IQCJ: variants seen among roughly 807,000 people sequenced by gnomAD.
IQCJ encodes the protein IQ domain-containing protein J.
Under a neutral mutation model 11.0 loss-of-function variants are expected in IQCJ, and 9 were observed. The ratio of observed to expected loss-of-function variants is 0.82; its 90% CI spans 0.49 to 1.43. The LOEUF is 1.43. Among genes scored for constraint, IQCJ ranks in the 40% most tolerant of loss-of-function variants. IQCJ has a pLI of 0.00. For synonymous variants in IQCJ, 55 were observed against 51.3 expected (o/e 1.07, Z -0.31); for missense variants, 146 against 133.2 (o/e 1.10, Z -0.47).
chr3:159,260,559 G>A (rs906976427), intron 3 of IQCJ, among the ~76,000 whole-genome samples: 1 of 152,110 alleles, frequency 6.6e-6, no homozygotes, highest in Admixed American at 6.6e-5. Context: ...GAACATCACC[G>A]ACAGCTTCCT....
chr3:159,210,892 A>C (rs1724916427), intron 1 of IQCJ, among the ~76,000 whole-genome samples: 1 of 151,946 alleles, frequency 6.6e-6, no homozygotes. Flanking sequence ...GGCTGGTCTC[A>C]AACTCCTGAC....
chr3:159,077,257 A>G (rs1715986079), intron 1 of IQCJ, among the ~76,000 whole-genome samples: 2 of 152,136 alleles, frequency 1.3e-5, no homozygotes, highest in Admixed American at 6.6e-5. Flanking sequence ...GGGAAAAGCA[A>G]ATTAGTACAA....
chr3:159,075,527 G>T (rs557204426), intron 1 of IQCJ, among the ~76,000 whole-genome samples: 1 of 152,068 alleles, frequency 6.6e-6, no homozygotes, highest in South Asian at 2.1e-4. Context: ...AGAAATACAG[G>T]ATTTGCACAC....
chr3:159,174,044 TA>T (rs1233119333), intron 1 of IQCJ, among the ~76,000 whole-genome samples: 1 of 152,160 alleles, frequency 6.6e-6, no homozygotes, highest in East Asian at 1.9e-4. Context: ...TTTAACTCAT[TA>T]AAATGTTATC....
chr3:159,078,597 G>T (rs1716102133), intron 1 of IQCJ, among the ~76,000 whole-genome samples: 1 of 147,392 alleles, frequency 6.8e-6, no homozygotes, highest in Non-Finnish European at 1.5e-5. Context: ...CTATACAGAA[G>T]AATCACTCCT....
At chr3:159,090,591 C>T (rs1261045521) in intron 1 of IQCJ, among the ~76,000 whole-genome samples, 3 of 151,640 alleles carry the variant, frequency 2.0e-5, no homozygotes, top group African/African-American at 7.3e-5. Context: ...AACTTGGAGG[C>T]ACATATGGGT....
intron 1 of IQCJ, among the ~76,000 whole-genome samples, chr3:159,194,699 C>A (rs1041182661): frequency 6.6e-6 from 1 of 152,162 alleles, no homozygotes; most frequent in Non-Finnish European, 1.5e-5. Flanking sequence ...ACCATTTGAT[C>A]TTTTCTTCCA....
At chr3:159,092,699 A>AACACACACAC (rs57083405) in intron 1 of IQCJ, among the ~76,000 whole-genome samples, 2,154 of 141,648 alleles carry the variant, frequency 0.015, 51 homozygotes, top group African/African-American at 0.038. Flanking sequence ...CTCCATCACA[A>AACACACACAC]ACACACACAC....
intron 1 of IQCJ, among the ~76,000 whole-genome samples, chr3:159,226,171 T>G (rs1377411718): frequency 2.6e-5 from 4 of 152,172 alleles, no homozygotes; most frequent in Admixed American, 6.5e-5. Context: ...GATTAAGTTA[T>G]TGACCACTGG....
intron 1 of IQCJ, among the ~76,000 whole-genome samples, chr3:159,210,191 A>T (rs570362016): frequency 6.6e-6 from 1 of 152,322 alleles, no homozygotes; most frequent in East Asian, 1.9e-4. Context: ...AGGGAATGTA[A>T]GAAAACAATA....
intron 1 of IQCJ, among the ~76,000 whole-genome samples, chr3:159,072,362 G>T (rs923015802): frequency 4.6e-5 from 7 of 151,836 alleles, no homozygotes; most frequent in Admixed American, 3.9e-4. Context: ...AAAAAGGAGA[G>T]TAATAGGAGA....
At chr3:159,230,446 G>A (rs1726180342) in intron 1 of IQCJ, among the ~76,000 whole-genome samples, 1 of 152,080 alleles carries the variant, frequency 6.6e-6, no homozygotes, top group Non-Finnish European at 1.5e-5. Context: ...TAAGAATTAT[G>A]CTGGATGCTA....
intron 1 of IQCJ, among the ~76,000 whole-genome samples, chr3:159,206,592 T>A (rs984562178): frequency 6.6e-6 from 1 of 152,256 alleles, no homozygotes; most frequent in African/African-American, 2.4e-5. Flanking sequence ...TGAAAGTGGA[T>A]AATGTGTGTT....
At chr3:159,125,205 C>T (rs549659366) in intron 1 of IQCJ, among the ~76,000 whole-genome samples, 1 of 152,206 alleles carries the variant, frequency 6.6e-6, no homozygotes, top group East Asian at 1.9e-4. Flanking sequence ...GATCTTCCTC[C>T]CCAAAACACT....
downstream of IQCJ, among the ~76,000 whole-genome samples, chr3:159,264,908 A>G (rs569992538): frequency 5.9e-4 from 86 of 146,618 alleles, 1 homozygote; most frequent in South Asian, 0.012. Context: ...CAGAGGGGAA[A>G]ACAAAAAAAA....
intron 2 of IQCJ, among the ~76,000 whole-genome samples, chr3:159,251,486 CA>C (rs1727595237): frequency 6.6e-6 from 1 of 151,672 alleles, no homozygotes; most frequent in East Asian, 2.0e-4. Flanking sequence ...CACTGTAGAT[CA>C]TAATCTATTG....
chr3:159,234,974 ATGT>A (rs1726491235), intron 1 of IQCJ, among the ~76,000 whole-genome samples: 6 of 152,162 alleles, frequency 3.9e-5, no homozygotes, highest in Admixed American at 3.9e-4. Flanking sequence ...TGGGAGTTAC[ATGT>A]TGTTCTGATT....
chr3:159,239,928 T>C (rs1407040126), intron 1 of IQCJ, among the ~76,000 whole-genome samples: 1 of 152,216 alleles, frequency 6.6e-6, no homozygotes, highest in Non-Finnish European at 1.5e-5. Context: ...TCTAGGTTTG[T>C]GTAGGCATAC....
Position 159,169,289 on chromosome 3 carries a change from T to C in IQCJ, c.10-76554T>C, listed in dbSNP as rs1255552397. 5.4e-4 allele frequency among the ~76,000 whole-genome samples: 78 copies of C among 144,174 alleles called. 3 individuals carry two copies. Among genetic ancestry groups the C allele is most frequent in the Non-Finnish European group, 1.4e-4 (9 of 66,134 alleles). 94.6% of individuals were successfully genotyped at this position (144,174 alleles called of 152,430 possible). A position where few individuals can be genotyped will look rare whatever the true frequency, so the allele number is the denominator to read the frequency against. The stretch of plus-strand genomic sequence containing the variant: ...TTTCTTTCTTTCTTTCTTTTTTTTT[T>C]TTTTTTTTTTTTTGATGGAGTTTTT... On this transcript the variant is annotated intron_variant, in intron 1 of 3. Coordinates refer to ENST00000397832, the MANE Select transcript of IQCJ (RefSeq NM_001042706.3).
Sources: allele counts gnomAD v4.1 joint callset (sites outside exome capture counted in the v4.1 genomes callset), GRCh38; gene constraint gnomAD v4.1.1; transcripts MANE v1.5; gene names NCBI Gene and HGNC (gene_info 2026-07-23, HGNC 2026-07-21).